EXOC5: variants seen among roughly 807,000 people sequenced by gnomAD.
EXOC5 encodes SEC10-like 1.
A neutral mutation model predicts 90.8 loss-of-function variants in EXOC5; 17 were observed. The ratio of observed to expected loss-of-function variants is 0.19; its 90% confidence interval spans 0.13 to 0.28. EXOC5 has a LOEUF of 0.28. EXOC5 is among the 10% of genes least tolerant of loss of function. EXOC5 has a pLI of 1.00. For missense variants in EXOC5, 569 were observed against 830.6 expected (o/e 0.69, Z 3.87); for synonymous variants, 260 against 270.0 (o/e 0.96, Z 0.36).
At chr14:57,210,177 C>G in intron 15 of EXOC5, 116 bp from the exon 16 acceptor site, 1 of 563,800 alleles carries the variant, frequency 1.8e-6, no homozygotes, top group South Asian at 2.6e-5. Flanking sequence ...CACCATGAAA[C>G]TCTTTTACTA....
At position 57,200,775 on chromosome 14, in the gene EXOC5, AC is replaced by A. The variant is rs929790758; in HGVS notation, c.*7833del. 28 of 146,518 alleles carry A rather than the reference AC, an allele frequency of 1.9e-4. No homozygotes were observed. Among genetic ancestry groups the A allele is most frequent in the African/African-American group, 7.4e-4 (28 of 37,808 alleles). The allele number at this position is 146,518 out of a possible 1,614,324, so 9.1% of individuals were successfully genotyped here. On this transcript the variant is annotated 3_prime_UTR_variant, in exon 18 of 18. Coordinates refer to ENST00000621441, the MANE Select transcript of EXOC5 (RefSeq NM_006544.4). The stretch of plus-strand genomic sequence containing the variant: ...ACTACATTAAAAAAAAAAAAAAAAA[AC>A]TTCCACCAAAAATATAGTTGTTTCT...
chr14:57,259,285 GATGGGGTTTTGCC>G (rs1389772742), intron 1 of EXOC5, among the ~76,000 whole-genome samples: 1 of 152,070 alleles, frequency 6.6e-6, no homozygotes, highest in Non-Finnish European at 1.5e-5. Flanking sequence ...TTTTAGTAGA[GATGGGGTTTTGCC>G]ATGTTGGCCA....
rs1882518309 is a variant in EXOC5 at position 57,201,822 on chromosome 14, T to C, written c.*6787A>G. 2 of 151,746 alleles carry C rather than the reference T, an allele frequency of 1.3e-5. No individual in the cohort carries two copies. The highest frequency in any genetic ancestry group is 2.9e-5 in the Non-Finnish European group (2 of 68,032). The allele number at this position is 151,746 out of a possible 1,614,324, so 9.4% of individuals were successfully genotyped here. On this transcript the variant is annotated 3_prime_UTR_variant, in exon 18 of 18. Transcript: ENST00000621441. ...ATCGCTTGAACCCAGGAGGTAGAGG[T>C]TGCAGTGAGCTGAGATCACGCCACC... is the stretch of plus-strand genomic sequence containing the variant.
At chr14:57,216,418 T>G (rs948259525) in intron 15 of EXOC5, among the ~76,000 whole-genome samples, 2 of 152,088 alleles carry the variant, frequency 1.3e-5, no homozygotes, top group East Asian at 3.9e-4. Context: ...ATTAATGCAG[T>G]ATGGTACTGG....
Position 57,231,639 on chromosome 14 carries a change from T to G in EXOC5, c.1015A>C (p.Lys339Gln). 6.2e-7 allele frequency: 1 copy of G among 1,613,424 alleles called. No individual in the cohort carries two copies. Among genetic ancestry groups the G allele is most frequent in the Non-Finnish European group, 8.5e-7 (1 of 1,179,484 alleles). ...DKQTFLSKLIKSIFISYLENY... is the reference protein window; with the variant it reads ...DKQTFLSKLIQSIFISYLENY... ...TCCAAATAGGAAATGAAAATGGATT[T>G]GATAAGCTTAGACAAGAAAGTCTGT... The change falls in exon 11 of 18, where the codon AAA becomes CAA. Residue 339 changes from lysine to glutamine, a missense_variant. Lys to Gln is a moderately conservative substitution (Grantham distance 53, BLOSUM62 1). Around this residue, in one of 9 missense-constraint regions of EXOC5, gnomAD observed 69 missense variants for 115.5 expected, o/e 0.60. Coordinates refer to ENST00000621441, the MANE Select transcript of EXOC5 (RefSeq NM_006544.4).
rs1212631089 is a variant in EXOC5 at position 57,201,560 on chromosome 14, T to G, written c.*7049A>C. ...ACACATATACATATATTTTTATATA[T>G]ATTAATATTATATATATATATATAT... On this transcript the variant is annotated 3_prime_UTR_variant, in exon 18 of 18. Transcript: ENST00000621441. The G allele has an allele frequency of 8.7e-6, 1 of 114,710 alleles. No homozygotes were observed. Among genetic ancestry groups the G allele is most frequent in the Non-Finnish European group, 1.6e-5 (1 of 61,752 alleles). The allele number at this position is 114,710 out of a possible 1,614,324, so 7.1% of individuals were successfully genotyped here. A position where few individuals can be genotyped will look rare whatever the true frequency, so the allele number is the denominator to read the frequency against.
intron 10 of EXOC5, 50 bp downstream of exon 10, chr14:57,232,617 A>C (rs1483395717): frequency 2.5e-6 from 2 of 814,120 alleles, no homozygotes; most frequent in South Asian, 1.9e-5. Context: ...TTTTATCAAA[A>C]AAATTTAAAA....
rs981936555 is a variant in EXOC5 at position 57,263,650 on chromosome 14, C to T, written c.27+4972G>A. ...GCATGGTGGCAGGCACCTATAATCC[C>T]AGCTACCCAGGAGGCTGAGGCAGGA... On this transcript the variant is annotated intron_variant, in intron 1 of 17. Transcript: ENST00000621441. Among the ~76,000 whole-genome samples the T allele has an allele frequency of 2.0e-4, 30 of 150,098 alleles. No homozygotes were observed. In the Admixed American group the frequency reaches 2.0e-3, roughly 10 times the overall value.
chr14:57,218,222 A>T (rs558381168), intron 14 of EXOC5, among the ~76,000 whole-genome samples, 154 bp from the exon 15 acceptor site: 1 of 152,222 alleles, frequency 6.6e-6, no homozygotes, highest in African/African-American at 2.4e-5. Context: ...AGCATATAAG[A>T]AGCAAAGTAA....
At chr14:57,225,589 CAAA>C (rs34662135) in intron 12 of EXOC5, among the ~76,000 whole-genome samples, 11 of 102,776 alleles carry the variant, frequency 1.1e-4, no homozygotes, top group South Asian at 6.6e-4. Context: ...GTGGAATCTA[CAAA>C]AAAAAAAAAA....
Position 57,200,605 on chromosome 14 carries a change from T to C in EXOC5, c.*8004A>G, listed in dbSNP as rs1882472597. On this transcript the variant is annotated 3_prime_UTR_variant, in exon 18 of 18. Transcript: ENST00000621441. ...ATACAGTTTCTCTGATGCACTCTTA[T>C]TAAATAGCAATTACAGTAGCAAGGA... The C allele has an allele frequency of 6.6e-6, 1 of 152,122 alleles. No individual in the cohort carries two copies. Among genetic ancestry groups the C allele is most frequent in the South Asian group, 2.1e-4 (1 of 4,816 alleles). 9.4% of individuals were successfully genotyped at this position (152,122 alleles called of 1,614,324 possible).
In EXOC5 at chr14:57,264,624, G is replaced by A. The variant is rs977005690; in HGVS notation, c.27+3998C>T. ...TATATATACTCCAGCCAAAATGAAT[G>A]CTCCCCTTATCTCCAGGGCCTACAA... On this transcript the variant is annotated intron_variant, in intron 1 of 17. Transcript: ENST00000621441. Among the ~76,000 whole-genome samples the A allele has an allele frequency of 2.6e-5, 4 of 152,066 alleles. No individual in the cohort carries two copies. In the East Asian group the frequency reaches 7.7e-4, roughly 29 times the overall value.
chr14:57,234,398 A>C (rs887815377), intron 7 of EXOC5, among the ~76,000 whole-genome samples: 1 of 150,816 alleles, frequency 6.6e-6, no homozygotes, highest in Non-Finnish European at 1.5e-5. Flanking sequence ...CATACACACA[A>C]ACACACACAT....
At chr14:57,235,077 A>C (rs1275407935) in intron 7 of EXOC5, among the ~76,000 whole-genome samples, 2 of 152,214 alleles carry the variant, frequency 1.3e-5, no homozygotes, top group Admixed American at 1.3e-4. Context: ...TACTGTCTCA[A>C]GAGCCATTCT....
intron 2 of EXOC5, among the ~76,000 whole-genome samples, chr14:57,247,344 T>G (rs952339574): frequency 6.6e-6 from 1 of 152,206 alleles, no homozygotes; most frequent in African/African-American, 2.4e-5. Flanking sequence ...ATTTTAGAAG[T>G]ATAATCATTT....
intron 1 of EXOC5, among the ~76,000 whole-genome samples, chr14:57,261,705 G>A (rs987462920): frequency 6.6e-6 from 1 of 152,152 alleles, no homozygotes; most frequent in South Asian, 2.1e-4. Flanking sequence ...AAATAAGCTG[G>A]GGCTGCTCAA....
intron 11 of EXOC5, 53 bp from the exon 12 acceptor site, chr14:57,229,934 A>C (rs1883430357): frequency 8.8e-7 from 1 of 1,142,720 alleles, no homozygotes; most frequent in Non-Finnish European, 1.2e-6. Context: ...CTTAGATTTC[A>C]ACTTTGAGTA....
At chr14:57,265,535 C>T (rs148400444) in intron 1 of EXOC5, among the ~76,000 whole-genome samples, 1 of 152,090 alleles carries the variant, frequency 6.6e-6, no homozygotes, top group Non-Finnish European at 1.5e-5. Context: ...CCAGCCTGGG[C>T]AACATGGTAA....
intron 11 of EXOC5, among the ~76,000 whole-genome samples, chr14:57,230,082 G>C (rs1317239674): frequency 6.6e-6 from 1 of 152,074 alleles, no homozygotes; most frequent in Non-Finnish European, 1.5e-5. Context: ...TAAATGAGTA[G>C]ATTTGGACTT....
Sources: allele counts gnomAD v4.1 joint callset (sites outside exome capture counted in the v4.1 genomes callset), GRCh38; gene constraint gnomAD v4.1.1; regional missense constraint gnomAD v4.1.1; transcripts MANE v1.5; gene names NCBI Gene and HGNC (gene_info 2026-07-23, HGNC 2026-07-21).